Variants in MYO5B observed in about 807,000 individuals in gnomAD.
The protein encoded by MYO5B is myosin VB.
Under a neutral mutation model 229.3 loss-of-function variants are expected in MYO5B, and 143 were observed. The observed-to-expected ratio is 0.62, with a 90% CI of 0.54 to 0.72. The LOEUF is 0.72. Ranked by LOEUF, MYO5B falls within the 30% of genes least tolerant of loss-of-function variation. The probability of loss-of-function intolerance (pLI) is 0.00; values close to 1 mark genes in which losing one functional copy is unlikely to be tolerated. For synonymous variants in MYO5B, 918 were observed against 885.2 expected (o/e 1.04, Z -0.66); for missense variants, 2,321 against 2,331.0 (o/e 1.00, Z 0.09).
intron 31 of MYO5B, 57 bp from the exon 32 acceptor site, chr18:49,849,717 G>C: frequency 7.2e-7 from 1 of 1,398,122 alleles, no homozygotes; most frequent in East Asian, 2.3e-5. Context: ...GGATGGTGGG[G>C]GTAAAATCCT....
At position 50,122,439 on chromosome 18, in the gene MYO5B, TAAAAAA is replaced by T. The variant is rs71169481; in HGVS notation, c.28-67067_28-67062del. ...CAACATGGTGAAACCCTGTCTCAACTAAAAAAAAAAAAAAAAAAAAAATCAGCCAGG... is the reference window on the plus strand; with the variant it reads ...CAACATGGTGAAACCCTGTCTCAACTAAAAAAAAAAAAAAAATCAGCCAGG... On this transcript the variant is annotated intron_variant, in intron 1 of 39. Transcript: ENST00000285039. Among the ~76,000 whole-genome samples the T allele has an allele frequency of 2.9e-4, 12 of 41,888 alleles. 1 individual carries two copies. In the East Asian group the frequency reaches 5.0e-3, roughly 17 times the overall value. The allele number at this position is 41,888 out of a possible 152,430, so 27.5% of individuals were successfully genotyped here.
At chr18:50,102,716 C>T (rs1039740666) in intron 1 of MYO5B, among the ~76,000 whole-genome samples, 1 of 149,440 alleles carries the variant, frequency 6.7e-6, no homozygotes, top group Non-Finnish European at 1.5e-5. Flanking sequence ...GAATCTCTAA[C>T]CTCAGAACCA....
In MYO5B at chr18:49,912,116, G is replaced by A. The variant is rs187413392; in HGVS notation, c.2148C>T (p.Leu716=). Residue 716 remains leucine, a synonymous_variant, in exon 18 of 40, where the codon CTC becomes CTT. Transcript: ENST00000285039. ...AGATGGCCTTTTTGTCTGTGTTGGC[G>A]AGCTCTCTCTTCTTGACCAGCACCC... ...RYRVLVKKRE[L]ANTDKKAICR... 4.3e-5 allele frequency: 69 copies of A among 1,614,046 alleles called. No individual in the cohort carries two copies. Among genetic ancestry groups the A allele is most frequent in the South Asian group, 1.3e-4 (12 of 91,066 alleles).
intron 38 of MYO5B, among the ~76,000 whole-genome samples, chr18:49,836,499 A>T (rs1337457083): frequency 6.6e-6 from 1 of 152,202 alleles, no homozygotes; most frequent in African/African-American, 2.4e-5. Flanking sequence ...GAGTTACTAG[A>T]AAACAGTATC....
chr18:50,090,038 C>T (rs1227369640), intron 1 of MYO5B, among the ~76,000 whole-genome samples: 2 of 152,214 alleles, frequency 1.3e-5, no homozygotes, highest in Non-Finnish European at 2.9e-5. Flanking sequence ...TGGTTTCCGC[C>T]CCAACTGGGG....
intron 32 of MYO5B, 68 bp downstream of exon 32, chr18:49,849,499 G>T: frequency 1.8e-6 from 2 of 1,109,198 alleles, no homozygotes; most frequent in Non-Finnish European, 2.8e-6. Flanking sequence ...CAGGCAGACA[G>T]CTCACACCCA....
At chr18:49,958,947 C>G (rs558672364) in intron 12 of MYO5B, among the ~76,000 whole-genome samples, 3 of 152,300 alleles carry the variant, frequency 2.0e-5, no homozygotes, top group African/African-American at 7.2e-5. Context: ...ACCCCTCTCC[C>G]CTGCTTCTCC....
At chr18:50,029,199 T>G (rs2026362866) in intron 4 of MYO5B, among the ~76,000 whole-genome samples, 1 of 152,106 alleles carries the variant, frequency 6.6e-6, no homozygotes, top group African/African-American at 2.4e-5. Flanking sequence ...AAAACCTTAG[T>G]GCTGTATCAT....
At chr18:50,066,641 C>T (rs137903216) in intron 1 of MYO5B, among the ~76,000 whole-genome samples, 11 of 152,238 alleles carry the variant, frequency 7.2e-5, no homozygotes, top group African/African-American at 2.2e-4. Flanking sequence ...AAAATGTTCC[C>T]GAATCAACAC....
intron 14 of MYO5B, among the ~76,000 whole-genome samples, chr18:49,949,547 G>A (rs7231881): frequency 3.3e-5 from 5 of 152,128 alleles, no homozygotes; most frequent in Admixed American, 6.5e-5. Flanking sequence ...TTCACTGCTC[G>A]TAGTGGGAGT....
rs1287703050 is a variant in MYO5B at position 49,822,981 on chromosome 18, A to G, written c.*3490T>C. 6.6e-6 allele frequency: 1 copy of G among 151,792 alleles called. No homozygotes were observed. Among genetic ancestry groups the G allele is most frequent in the African/African-American group, 2.4e-5 (1 of 41,288 alleles). The allele number at this position is 151,792 out of a possible 1,614,324, so 9.4% of individuals were successfully genotyped here. On this transcript the variant is annotated 3_prime_UTR_variant, in exon 40 of 40. Transcript: ENST00000285039. The stretch of plus-strand genomic sequence containing the variant: ...CATGGTGTTGGATTCACCCCTGAAT[A>G]TGATCTGAACTCTTTCAGAGAGGCA...
intron 10 of MYO5B, among the ~76,000 whole-genome samples, chr18:49,973,100 G>A (rs140085479): frequency 2.0e-5 from 3 of 152,200 alleles, no homozygotes; most frequent in East Asian, 3.9e-4. Context: ...TGTACAGCAC[G>A]AAGCATCCAA....
At chr18:50,063,348 T>C (rs538172024) in intron 1 of MYO5B, among the ~76,000 whole-genome samples, 3 of 152,300 alleles carry the variant, frequency 2.0e-5, no homozygotes, top group African/African-American at 7.2e-5. Flanking sequence ...AGGAATTACA[T>C]GTAAATATCC....
intron 17 of MYO5B, among the ~76,000 whole-genome samples, chr18:49,912,395 A>G (rs1243558077): frequency 6.6e-6 from 1 of 152,138 alleles, no homozygotes; most frequent in East Asian, 1.9e-4. Context: ...GGCTGGAAAA[A>G]AGGTGAGTTT....
At chr18:50,014,443 AAG>A (rs1209157091) in intron 4 of MYO5B, among the ~76,000 whole-genome samples, 3 of 152,206 alleles carry the variant, frequency 2.0e-5, no homozygotes, top group African/African-American at 7.2e-5. Context: ...CCTCGTTTGT[AAG>A]AGAGAGTATT....
At chr18:50,147,973 T>C (rs981915265) in intron 1 of MYO5B, among the ~76,000 whole-genome samples, 1 of 151,376 alleles carries the variant, frequency 6.6e-6, no homozygotes, top group Non-Finnish European at 1.5e-5. Flanking sequence ...AAGAATCAAA[T>C]AGACACAATA....
At chr18:50,110,680 A>C (rs1454474038) in intron 1 of MYO5B, among the ~76,000 whole-genome samples, 1 of 152,250 alleles carries the variant, frequency 6.6e-6, no homozygotes, top group Non-Finnish European at 1.5e-5. Flanking sequence ...GGGCCAACTG[A>C]GGACGGAAGT....
rs530693721 is a variant in MYO5B, at chr18:50,126,790, T to A, written c.27+67977A>T. Among the ~76,000 whole-genome samples the A allele has an allele frequency of 2.2e-4, 33 of 152,326 alleles. 1 individual carries two copies. The South Asian group carries it at 6.8e-3, about 32-fold the overall frequency. Reference sequence around the variant, plus strand: ...CTATGGCAGTGAAGAGCATGCATGGTGAAGCCAGACTTCCTGGGCTTGAAT... The same window carrying A: ...CTATGGCAGTGAAGAGCATGCATGGAGAAGCCAGACTTCCTGGGCTTGAAT... On this transcript the variant is annotated intron_variant, in intron 1 of 39. Transcript: ENST00000285039.
Position 50,040,193 on chromosome 18 carries a change from T to C in MYO5B, c.260A>G (p.His87Arg). Residue 87 changes from histidine (H) to arginine (R), a missense_variant, in exon 3 of 40, where the codon CAT becomes CGT. This residue lies in a region of MYO5B where 2,113 missense variants were observed against 2,044.7 expected (regional missense o/e 1.03). Transcript: ENST00000285039. ...LSYLHEPAVLHNLKVRFLESN... is the reference protein window; with the variant it reads ...LSYLHEPAVLRNLKVRFLESN... ...CTCCAGGAAACGGACCTTCAAATTA[T>C]GCAAAACTGCAGGCTCATGAAGATA... The C allele has an allele frequency of 1.9e-6, 3 of 1,614,150 alleles. No individual in the cohort carries two copies. Among genetic ancestry groups the C allele is most frequent in the Middle Eastern group, 1.6e-4 (1 of 6,062 alleles).
Sources: gnomAD v4.1 joint callset for allele counts (sites outside exome capture counted in the v4.1 genomes callset) on GRCh38, gnomAD v4.1.1 for gene constraint, gnomAD v4.1.1 regional missense constraint, MANE v1.5 for transcripts, NCBI Gene and HGNC (gene_info 2026-07-23, HGNC 2026-07-21) for gene names.